The following GRID1 variants were observed in gnomAD, a reference collection of about 807,000 sequenced individuals.
The protein encoded by GRID1 is glutamate receptor ionotropic, delta-1.
Under a neutral mutation model 98.0 loss-of-function variants are expected in GRID1, and 28 were observed. The ratio of observed to expected loss-of-function variants is 0.29; its 90% CI spans 0.21 to 0.39. The LOEUF (loss-of-function observed/expected upper bound fraction) is 0.39. Among genes scored for constraint, GRID1 ranks in the 10% least tolerant of loss-of-function variants. The pLI is 1.00. For synonymous variants in GRID1, 553 were observed against 538.5 expected, an observed-to-expected ratio of 1.03 and a Z score of -0.37; for missense variants, 1,111 against 1,340.5, an observed-to-expected ratio of 0.83 and a Z score of 2.67.
At chr10:85,910,936 G>A (rs1196547479) in intron 5 of GRID1, among the ~76,000 whole-genome samples, 1 of 152,182 alleles carries the variant, frequency 6.6e-6, no homozygotes, top group Non-Finnish European at 1.5e-5. Flanking sequence ...GATTCAGAAG[G>A]ACATGGCAGG....
At chr10:85,711,635 A>AAAAATTT (rs1841582814) in intron 12 of GRID1, among the ~76,000 whole-genome samples, 2 of 151,892 alleles carry the variant, frequency 1.3e-5, no homozygotes, top group Admixed American at 6.6e-5. Context: ...TATGTTATGT[A>AAAAATTT]TATTTTACCA....
At chr10:86,311,424 T>G (rs1847830721) in intron 2 of GRID1, among the ~76,000 whole-genome samples, 1 of 152,176 alleles carries the variant, frequency 6.6e-6, no homozygotes. Context: ...CCCATAATGC[T>G]TTGCTGTATC....
chr10:86,005,224 A>G (rs992965304), intron 4 of GRID1, among the ~76,000 whole-genome samples: 5 of 152,048 alleles, frequency 3.3e-5, no homozygotes, highest in African/African-American at 1.2e-4. Context: ...TGATTGACCC[A>G]CAGTTCCAGC....
At chr10:86,268,713 G>A (rs192570925) in intron 2 of GRID1, among the ~76,000 whole-genome samples, 115 of 151,982 alleles carry the variant, frequency 7.6e-4, no homozygotes, top group Admixed American at 1.2e-3. Context: ...GTTTGGAGCC[G>A]GGCGCAGTGG....
chr10:86,061,613 C>T (rs1228839986), intron 4 of GRID1, among the ~76,000 whole-genome samples: 3 of 152,140 alleles, frequency 2.0e-5, no homozygotes, highest in African/African-American at 7.2e-5. Flanking sequence ...GGCTGCTGCT[C>T]CCCCAGACCC....
chr10:86,000,013 T>C (rs1007911495), intron 4 of GRID1, among the ~76,000 whole-genome samples: 9 of 152,190 alleles, frequency 5.9e-5, no homozygotes, highest in South Asian at 2.1e-4. Flanking sequence ...CGTGTACAGA[T>C]TGCAAAGAAA....
chr10:85,830,225 A>G (rs898053261), intron 8 of GRID1, among the ~76,000 whole-genome samples: 3 of 152,190 alleles, frequency 2.0e-5, no homozygotes, highest in Non-Finnish European at 4.4e-5. Context: ...TTCCTATTCA[A>G]TAAATGGTGC....
intron 5 of GRID1, among the ~76,000 whole-genome samples, chr10:85,907,875 G>A (rs143632633): frequency 1.4e-4 from 22 of 152,258 alleles, no homozygotes; most frequent in East Asian, 9.6e-4. Context: ...TTGCTGTAAT[G>A]TTAGAAAATC....
At chr10:86,256,561 G>GCT (rs140442159) in intron 2 of GRID1, among the ~76,000 whole-genome samples, 2 of 151,388 alleles carry the variant, frequency 1.3e-5, no homozygotes, top group East Asian at 1.9e-4. Flanking sequence ...TGACAGAGAA[G>GCT]CTCTCTCTCT....
intron 8 of GRID1, among the ~76,000 whole-genome samples, chr10:85,746,970 C>T (rs1022311844): frequency 6.6e-6 from 1 of 152,144 alleles, no homozygotes; most frequent in Admixed American, 6.6e-5. Flanking sequence ...TGTATTCCCA[C>T]ATCATCTAAA....
intron 10 of GRID1, among the ~76,000 whole-genome samples, chr10:85,725,950 T>C (rs779427926): frequency 1.3e-5 from 2 of 152,220 alleles, no homozygotes; most frequent in Non-Finnish European, 2.9e-5. Flanking sequence ...GTTTGGAGCA[T>C]ATTTAAGGGC....
chr10:86,335,403 G>C (rs1848208369), intron 2 of GRID1, among the ~76,000 whole-genome samples: 1 of 152,336 alleles, frequency 6.6e-6, no homozygotes, highest in East Asian at 1.9e-4. Context: ...CAAACACTGA[G>C]CTCACAAAAG....
Position 86,204,912 on chromosome 10 carries a change from C to G in GRID1, c.520+1452G>C, listed in dbSNP as rs1374952532. ...CCAAGGGTTCTCGGGGAAGGCCTGGCCCCTAAGAGATCCCTGCAGGCAGCT... is the reference window on the plus strand; with the variant it reads ...CCAAGGGTTCTCGGGGAAGGCCTGGGCCCTAAGAGATCCCTGCAGGCAGCT... On this transcript the variant is annotated intron_variant, in intron 3 of 15. Coordinates refer to ENST00000327946, the MANE Select transcript of GRID1 (RefSeq NM_017551.3). Among the ~76,000 whole-genome samples, 4 of 152,122 alleles carry G rather than the reference C, an allele frequency of 2.6e-5. No homozygotes were observed. In the East Asian group the frequency reaches 5.8e-4, roughly 22 times the overall value.
chr10:85,902,142 G>A lies in GRID1; in HGVS notation c.780+14044C>T, dbSNP rs540091693. On this transcript the variant is annotated intron_variant, in intron 5 of 15. Coordinates refer to ENST00000327946, the MANE Select transcript of GRID1 (RefSeq NM_017551.3). ...AATCAAGCAGCTCCCTCTTATCCTC[G>A]GGGAATGCATTTCAAGATCCCCAGT... 9.2e-5 allele frequency among the ~76,000 whole-genome samples: 14 copies of A among 152,244 alleles called. No homozygotes were observed. In the South Asian group the frequency reaches 1.2e-3, roughly 14 times the overall value.
chr10:85,926,643 C>A (rs540853966), intron 4 of GRID1, among the ~76,000 whole-genome samples: 7 of 152,212 alleles, frequency 4.6e-5, no homozygotes, highest in Admixed American at 2.0e-4. Context: ...TGCCCAACGC[C>A]CACCCCATTG....
At chr10:85,679,867 C>T (rs946237337) in intron 12 of GRID1, among the ~76,000 whole-genome samples, 6 of 152,182 alleles carry the variant, frequency 3.9e-5, no homozygotes, top group African/African-American at 1.2e-4. Flanking sequence ...CCTGAGGCAG[C>T]CCCACCCCCT....
At chr10:85,874,667 C>A (rs1177871486) in intron 5 of GRID1, among the ~76,000 whole-genome samples, 1 of 152,188 alleles carries the variant, frequency 6.6e-6, no homozygotes, top group Non-Finnish European at 1.5e-5. Flanking sequence ...ACAAACCCAT[C>A]TAACTTTGGT....
chr10:85,654,500 G>C (rs992223179), intron 12 of GRID1, among the ~76,000 whole-genome samples: 4 of 152,162 alleles, frequency 2.6e-5, no homozygotes, highest in Admixed American at 6.5e-5. Flanking sequence ...TGCTGCCCAA[G>C]CATCAGTTCT....
intron 4 of GRID1, among the ~76,000 whole-genome samples, chr10:86,126,955 G>C (rs923807075): frequency 1.3e-5 from 2 of 152,204 alleles, no homozygotes; most frequent in Non-Finnish European, 2.9e-5. Context: ...TTATGACCTG[G>C]CTGTCACGCC....
Sources: gnomAD v4.1 joint callset for allele counts (sites outside exome capture counted in the v4.1 genomes callset) on GRCh38, gnomAD v4.1.1 for gene constraint, MANE v1.5 for transcripts, NCBI Gene and HGNC (gene_info 2026-07-23, HGNC 2026-07-21) for gene names.